Variants in PCDH19 observed in about 807,000 individuals in gnomAD.
PCDH19 encodes the protein protocadherin-19.
PCDH19 carries 6 observed loss-of-function variants against 46.2 expected under a neutral mutation model. That is an observed-to-expected ratio of 0.13 (90% confidence interval 0.07 to 0.26). The LOEUF (loss-of-function observed/expected upper bound fraction) is 0.26, where lower values mean the gene tolerates loss of function less well. Ranked by LOEUF, PCDH19 falls within the 10% of genes least tolerant of loss-of-function variation. The pLI, the probability that PCDH19 is intolerant of heterozygous loss-of-function variation, is 1.00. For synonymous variants in PCDH19, 481 were observed against 415.7 expected (o/e 1.16, Z -1.91); for missense variants, 740 against 972.3 (o/e 0.76, Z 3.18).
At chrX:100,340,263 G>C (rs1276412471) in intron 5 of PCDH19, among the ~76,000 whole-genome samples, 1 of 111,934 alleles carries the variant, frequency 8.9e-6, no homozygotes, top group Non-Finnish European at 1.9e-5. Flanking sequence ...CACTCTCTCA[G>C]AAAAAACTAG....
intron 5 of PCDH19, among the ~76,000 whole-genome samples, chrX:100,300,225 T>C (rs1387383218): frequency 8.9e-6 from 1 of 112,033 alleles, no homozygotes; most frequent in African/African-American, 3.2e-5. Flanking sequence ...AAAGTCACAA[T>C]ACAAAGCCCC....
In PCDH19 at chrX:100,408,119, C is replaced by T. The variant is rs794726899; in HGVS notation, c.479G>A (p.Ser160Asn). 4.1e-6 allele frequency: 5 copies of T among 1,210,124 alleles called. No individual in the cohort carries two copies. Among genetic ancestry groups the T allele is most frequent in the Non-Finnish European group, 5.6e-6 (5 of 895,491 alleles). ...GAGCTCGTAAGTCTGCACGCCAAAG[C>T]TTCCTGAGTCTGGATCGTAAGCGCT... ...LDSAYDPDSGSFGVQTYELTP... is the reference protein window; with the variant it reads ...LDSAYDPDSGNFGVQTYELTP... The change falls in exon 1 of 6, where the codon AGC (serine) becomes AAC (asparagine). Residue 160 changes from serine (S) to asparagine (N), a missense_variant. Physicochemically the swap from Ser to Asn is conservative, Grantham distance 46. Transcript: ENST00000373034.
chrX:100,298,022 A>AAT (rs1170061324), intron 5 of PCDH19, among the ~76,000 whole-genome samples: 1 of 110,164 alleles, frequency 9.1e-6, no homozygotes, highest in Non-Finnish European at 1.9e-5. Context: ...ATGTATATAA[A>AAT]ATATATATAT....
chrX:100,403,548 T>G lies in PCDH19; in HGVS notation c.2264A>C (p.Glu755Ala), dbSNP rs754791297. Residue 755 changes from glutamate (E) to alanine (A), a missense_variant, in exon 2 of 6, where the codon GAG becomes GCG. Transcript: ENST00000373034. ...CCTCTTTCCCCTTAGGCTCACTTTC[T>G]CCTCTGTCTTTTTGTCTTGCTCCTC... Reference protein sequence around the residue: ...ISEEQDKKTEEKVSLRGKRIA... With the variant: ...ISEEQDKKTEAKVSLRGKRIA... 1.1e-5 allele frequency: 13 copies of G among 1,208,462 alleles called. No homozygotes were observed. Among genetic ancestry groups the G allele is most frequent in the Non-Finnish European group, 1.2e-5 (11 of 894,794 alleles).
intron 3 of PCDH19, among the ~76,000 whole-genome samples, chrX:100,377,836 T>G (rs1316349664): frequency 8.9e-6 from 1 of 112,074 alleles, no homozygotes; most frequent in Non-Finnish European, 1.9e-5. Flanking sequence ...GAATCTAATC[T>G]TCTGTGAATG....
chrX:100,307,738 A>G (rs1203754553), intron 5 of PCDH19, among the ~76,000 whole-genome samples: 1 of 111,461 alleles, frequency 9.0e-6, no homozygotes, highest in Non-Finnish European at 1.9e-5. Context: ...TCAGTAGCAC[A>G]GCTATACACC....
intron 3 of PCDH19, among the ~76,000 whole-genome samples, chrX:100,390,663 A>G (rs1927834530): frequency 9.0e-6 from 1 of 111,698 alleles, no homozygotes; most frequent in Non-Finnish European, 1.9e-5. Flanking sequence ...GGGTTTAATA[A>G]TTCTGGAATC....
rs772795957 is a variant in PCDH19 at position 100,333,010 on chromosome X, A to G, written c.2848+8893T>C. Among the ~76,000 whole-genome samples the G allele has an allele frequency of 4.4e-4, 47 of 105,921 alleles. 1 individual carries two copies. The highest frequency in any genetic ancestry group is 1.2e-3 in the African/African-American group (36 of 29,047). The allele number at this position is 105,921 out of a possible 115,157, so 92.0% of individuals were successfully genotyped here. A position where few individuals can be genotyped will look rare whatever the true frequency, so the allele number is the denominator to read the frequency against. ...GAGTGAGACCCATCTCAAAAAAAGA[A>G]AAGAAAGAAAGAAAAAAGAAAAGAA... On this transcript the variant is annotated intron_variant, in intron 5 of 5. Coordinates refer to ENST00000373034, the MANE Select transcript of PCDH19 (RefSeq NM_001184880.2).
At chrX:100,333,814 G>A (rs1157932114) in intron 5 of PCDH19, among the ~76,000 whole-genome samples, 1 of 96,665 alleles carries the variant, frequency 1.0e-5, no homozygotes. Flanking sequence ...TTTTAAGACA[G>A]AGTCTCACTG....
intron 5 of PCDH19, among the ~76,000 whole-genome samples, chrX:100,313,901 A>ACACTCTCT (rs1555974555): frequency 2.0e-5 from 2 of 102,079 alleles, no homozygotes; most frequent in African/African-American, 7.2e-5. Context: ...ACACACACAC[A>ACACTCTCT]CACACAAAGT....
chrX:100,300,633 T>G (rs953036510), intron 5 of PCDH19, among the ~76,000 whole-genome samples: 2 of 111,631 alleles, frequency 1.8e-5, no homozygotes, highest in African/African-American at 6.5e-5. Flanking sequence ...TTAAACATAC[T>G]CATGATGAGG....
intron 3 of PCDH19, among the ~76,000 whole-genome samples, chrX:100,354,245 A>G (rs779945510): frequency 8.9e-6 from 1 of 112,041 alleles, no homozygotes; most frequent in South Asian, 3.8e-4. Context: ...GGAGCAAAGG[A>G]TGAGACTCAG....
At chrX:100,394,838 C>G (rs184909175) in intron 3 of PCDH19, among the ~76,000 whole-genome samples, 1 of 110,940 alleles carries the variant, frequency 9.0e-6, no homozygotes. Flanking sequence ...ATGAATTGGC[C>G]CACCTTTCAA....
intron 5 of PCDH19, among the ~76,000 whole-genome samples, chrX:100,327,021 A>G (rs974764237): frequency 1.8e-5 from 2 of 112,181 alleles, no homozygotes; most frequent in African/African-American, 6.5e-5. Flanking sequence ...GTGAATTTAA[A>G]TAAATGCATT....
chrX:100,385,843 G>A (rs1413254655), intron 3 of PCDH19, among the ~76,000 whole-genome samples: 2 of 110,879 alleles, frequency 1.8e-5, no homozygotes, highest in African/African-American at 3.3e-5. Context: ...GCAGTGAGCC[G>A]AGATCGAGCC....
chrX:100,342,953 T>C (rs1926297244), intron 4 of PCDH19, among the ~76,000 whole-genome samples: 1 of 112,332 alleles, frequency 8.9e-6, no homozygotes, highest in Non-Finnish European at 1.9e-5. Flanking sequence ...TATGAAGGTG[T>C]TTCCAGAAGA....
At chrX:100,359,416 G>C (rs1208190026) in intron 3 of PCDH19, among the ~76,000 whole-genome samples, 1 of 112,243 alleles carries the variant, frequency 8.9e-6, no homozygotes, top group African/African-American at 3.2e-5. Context: ...ATCCAGAAAT[G>C]AGCCACTTTG....
intron 3 of PCDH19, among the ~76,000 whole-genome samples, chrX:100,402,243 G>A (rs1322250282): frequency 1.8e-5 from 2 of 112,160 alleles, no homozygotes; most frequent in Admixed American, 9.5e-5. Context: ...TTTGCAACAG[G>A]TGGAGCAAAC....
chrX:100,307,407 G>A (rs890718775), intron 5 of PCDH19, among the ~76,000 whole-genome samples: 1 of 111,430 alleles, frequency 9.0e-6, no homozygotes, highest in African/African-American at 3.3e-5. Context: ...AAGGTAACAA[G>A]AGCTGTCTAT....
Sources: allele counts gnomAD v4.1 joint callset (sites outside exome capture counted in the v4.1 genomes callset), GRCh38; gene constraint gnomAD v4.1.1; transcripts MANE v1.5; gene names NCBI Gene and HGNC (gene_info 2026-07-23, HGNC 2026-07-21).